The following TNR variants were observed in gnomAD, a reference collection of about 807,000 sequenced individuals.
TNR encodes tenascin-R.
TNR carries 45 observed loss-of-function variants against 150.4 expected under a neutral mutation model. The ratio of observed to expected loss-of-function variants is 0.30; its 90% confidence interval spans 0.24 to 0.38. The LOEUF (loss-of-function observed/expected upper bound fraction) is 0.38, where lower values mean the gene tolerates loss of function less well. TNR is among the 10% of genes least tolerant of loss of function. TNR has a pLI of 1.00. For synonymous variants in TNR, 687 were observed against 678.4 expected (o/e 1.01, Z -0.20); for missense variants, 1,544 against 1,759.1 (o/e 0.88, Z 2.19).
intron 1 of TNR, among the ~76,000 whole-genome samples, chr1:175,582,649 G>C (rs1021662278): frequency 3.3e-5 from 5 of 152,184 alleles, no homozygotes; most frequent in African/African-American, 1.2e-4. Context: ...GCCTGGACTA[G>C]TAGTATCAGT....
intron 1 of TNR, among the ~76,000 whole-genome samples, chr1:175,662,486 C>G (rs1665408418): frequency 6.6e-6 from 1 of 152,206 alleles, no homozygotes; most frequent in Non-Finnish European, 1.5e-5. Context: ...CCCTAGGGCC[C>G]CAGCCAGGCC....
chr1:175,701,531 C>T (rs1666696194), intron 1 of TNR, among the ~76,000 whole-genome samples: 1 of 152,314 alleles, frequency 6.6e-6, no homozygotes, highest in African/African-American at 2.4e-5. Context: ...ACAAGAGGGG[C>T]TTTTGGAGAC....
At chr1:175,639,680 C>T (rs1446559681) in intron 1 of TNR, among the ~76,000 whole-genome samples, 1 of 152,148 alleles carries the variant, frequency 6.6e-6, no homozygotes, top group Non-Finnish European at 1.5e-5. Flanking sequence ...TCTACAAGAC[C>T]TTTCATGACC....
At chr1:175,668,474 G>A (rs1337022893) in intron 1 of TNR, among the ~76,000 whole-genome samples, 1 of 152,116 alleles carries the variant, frequency 6.6e-6, no homozygotes, top group Non-Finnish European at 1.5e-5. Context: ...TCCTAAGCAT[G>A]GCTGTTCTGA....
intron 7 of TNR, among the ~76,000 whole-genome samples, chr1:175,389,034 C>T (rs1158888468): frequency 6.6e-6 from 1 of 152,204 alleles, no homozygotes; most frequent in Non-Finnish European, 1.5e-5. Context: ...TTTACTAATA[C>T]TTTCTTAATA....
Position 175,367,214 on chromosome 1 carries a change from T to C in TNR, c.2047A>G (p.Arg683Gly). 1.2e-6 allele frequency: 2 copies of C among 1,614,126 alleles called. No homozygotes were observed. Among genetic ancestry groups the C allele is most frequent in the Non-Finnish European group, 1.7e-6 (2 of 1,179,986 alleles). The change falls in exon 10 of 23, where the codon AGG becomes GGG. Residue 683 changes from arginine (R) to glycine (G), a missense_variant. Transcript: ENST00000367674. ...CAGCAGTCCTCCTACTCACCAGTCCTGGCATTCATGGTGGCTGGCACGCTT... is the reference window on the plus strand; with the variant it reads ...CAGCAGTCCTCCTACTCACCAGTCCCGGCATTCATGGTGGCTGGCACGCTT... ...QQSVPATMNA[R>G]TELDSPRDLM...
intron 1 of TNR, among the ~76,000 whole-genome samples, chr1:175,650,943 C>T (rs1321233396): frequency 1.9e-4 from 4 of 21,390 alleles, no homozygotes; most frequent in African/African-American, 6.3e-4. Flanking sequence ...TACTACCCCT[C>T]CCCATCTCAT....
intron 2 of TNR, among the ~76,000 whole-genome samples, chr1:175,445,490 T>C (rs1435899911): frequency 6.6e-6 from 1 of 152,104 alleles, no homozygotes; most frequent in Non-Finnish European, 1.5e-5. Flanking sequence ...AACAATAAAT[T>C]CAACACAAAA....
chr1:175,705,817 TA>T (rs1335800683), intron 1 of TNR, among the ~76,000 whole-genome samples: 1 of 152,242 alleles, frequency 6.6e-6, no homozygotes, highest in Non-Finnish European at 1.5e-5. Context: ...ATAACTTTTA[TA>T]AATCTAGGTT....
In TNR at chr1:175,726,436, A is replaced by T. The variant is rs577242140; in HGVS notation, c.-165+16790T>A. 2.3e-3 allele frequency among the ~76,000 whole-genome samples: 343 copies of T among 152,346 alleles called. 1 individual carries two copies. Among genetic ancestry groups the T allele is most frequent in the African/African-American group, 8.0e-3 (334 of 41,592 alleles). On this transcript the variant is annotated intron_variant, in intron 1 of 22. Coordinates refer to ENST00000367674, the MANE Select transcript of TNR (RefSeq NM_003285.3). ...TTCTGCAGTTTAGGCCTGAACCTTA[A>T]TATGAAAGTAAAGTTGCATCTCAGA...
At chr1:175,614,234 G>A (rs1472222288) in intron 1 of TNR, among the ~76,000 whole-genome samples, 1 of 152,218 alleles carries the variant, frequency 6.6e-6, no homozygotes, top group East Asian at 1.9e-4. Context: ...AGAGAGAGGT[G>A]TGGGGAAAAG....
chr1:175,616,824 T>A (rs1167579574), intron 1 of TNR, among the ~76,000 whole-genome samples: 2 of 152,204 alleles, frequency 1.3e-5, no homozygotes, highest in Non-Finnish European at 2.9e-5. Flanking sequence ...TGTGGCTGAC[T>A]GCATGCAGCT....
At chr1:175,650,942 T>A (rs1483759716) in intron 1 of TNR, among the ~76,000 whole-genome samples, 6 of 1,324 alleles carry the variant, frequency 4.5e-3, no homozygotes, top group African/African-American at 0.012. Flanking sequence ...TTACTACCCC[T>A]CCCCATCTCA....
chr1:175,726,190 T>C (rs912158432), intron 1 of TNR, among the ~76,000 whole-genome samples: 6 of 152,112 alleles, frequency 3.9e-5, no homozygotes, highest in African/African-American at 1.2e-4. Context: ...ATCTCAAAGA[T>C]TACACAGATA....
chr1:175,633,863 T>C (rs2101875460), intron 1 of TNR, among the ~76,000 whole-genome samples: 1 of 152,192 alleles, frequency 6.6e-6, no homozygotes, highest in African/African-American at 2.4e-5. Flanking sequence ...CCAGATATGG[T>C]TCTGGCAACA....
intron 1 of TNR, among the ~76,000 whole-genome samples, chr1:175,692,190 C>A (rs574912339): frequency 6.6e-6 from 1 of 152,268 alleles, no homozygotes; most frequent in East Asian, 1.9e-4. Context: ...AACCTTGGGG[C>A]AGACACATGC....
intron 1 of TNR, among the ~76,000 whole-genome samples, chr1:175,581,285 C>G (rs1662339131): frequency 6.6e-6 from 1 of 152,180 alleles, no homozygotes; most frequent in Non-Finnish European, 1.5e-5. Context: ...ATAGATGCGT[C>G]AAGAACAGCC....
chr1:175,667,245 A>C (rs893060703), intron 1 of TNR, among the ~76,000 whole-genome samples: 1 of 152,168 alleles, frequency 6.6e-6, no homozygotes, highest in African/African-American at 2.4e-5. Context: ...CACTTTGCAC[A>C]CGTGGTCTGC....
chr1:175,646,036 A>G (rs569981377), intron 1 of TNR, among the ~76,000 whole-genome samples: 1 of 152,358 alleles, frequency 6.6e-6, no homozygotes, highest in South Asian at 2.1e-4. Context: ...CTCAGGTGCC[A>G]AGGCAAGGAG....
Sources: gnomAD v4.1 joint callset for allele counts (sites outside exome capture counted in the v4.1 genomes callset) on GRCh38, gnomAD v4.1.1 for gene constraint, MANE v1.5 for transcripts, NCBI Gene and HGNC (gene_info 2026-07-23, HGNC 2026-07-21) for gene names.